Variants in RBFOX1 observed in about 807,000 individuals in gnomAD.
The protein encoded by RBFOX1 is RNA binding fox-1 homolog 1.
RBFOX1 carries 8 observed loss-of-function variants against 57.7 expected under a neutral mutation model. That is an observed-to-expected ratio of 0.14 (90% CI 0.08 to 0.25). The LOEUF (loss-of-function observed/expected upper bound fraction) is 0.25. RBFOX1 is among the 10% of genes least tolerant of loss of function. RBFOX1 has a pLI of 1.00. For synonymous variants in RBFOX1, 326 were observed against 222.4 expected (o/e 1.47, Z -4.15); for missense variants, 611 against 548.5 (o/e 1.11, Z -1.14).
At chr16:6,214,540 A>C (rs2097319363) in intron 1 of RBFOX1, among the ~76,000 whole-genome samples, 1 of 67,292 alleles carries the variant, frequency 1.5e-5, no homozygotes, top group Non-Finnish European at 2.8e-5. Flanking sequence ...GATGGGGAGA[A>C]GGAGACAGGG....
At position 6,337,573 on chromosome 16, in the gene RBFOX1, C is replaced by T. The variant is rs2083941981; in HGVS notation, c.-64+20516C>T. Among the ~76,000 whole-genome samples, 3 of 152,298 alleles carry T rather than the reference C, an allele frequency of 2.0e-5. No homozygotes were observed. The South Asian group carries it at 6.2e-4, about 32-fold the overall frequency. On this transcript the variant is annotated intron_variant, in intron 2 of 15. Coordinates refer to ENST00000550418, the MANE Select transcript of RBFOX1 (RefSeq NM_018723.4). ...CAATTGTACACCTGGATGCCACATT[C>T]TTACAAGCAGCCCAGTAGAGGCAGA...
chr16:7,705,867 A>G (rs966117210), intron 14 of RBFOX1, among the ~76,000 whole-genome samples: 4 of 152,150 alleles, frequency 2.6e-5, no homozygotes, highest in Non-Finnish European at 5.9e-5. Context: ...TTTCTTCCGA[A>G]ATTACTGATG....
At chr16:7,688,360 G>A (rs1250037190) in intron 14 of RBFOX1, among the ~76,000 whole-genome samples, 2 of 151,376 alleles carry the variant, frequency 1.3e-5, no homozygotes, top group African/African-American at 4.9e-5. Flanking sequence ...TTTAACAATA[G>A]CAATGTAACA....
chr16:7,243,568 G>A (rs2094160257), intron 4 of RBFOX1, among the ~76,000 whole-genome samples: 1 of 152,236 alleles, frequency 6.6e-6, no homozygotes, highest in East Asian at 1.9e-4. Flanking sequence ...TACATTTTGA[G>A]AGAGGCTGTC....
At chr16:5,932,985 A>G (rs2152251212) in intron 4 of RBFOX1, among the ~76,000 whole-genome samples, 1 of 152,368 alleles carries the variant, frequency 6.6e-6, no homozygotes, top group African/African-American at 2.4e-5. Context: ...CAATATTTTA[A>G]CAGCATGACG....
At chr16:6,320,473 A>G (rs1342943998) in intron 2 of RBFOX1, among the ~76,000 whole-genome samples, 2 of 152,100 alleles carry the variant, frequency 1.3e-5, no homozygotes, top group Non-Finnish European at 2.9e-5. Flanking sequence ...AACCACCTGT[A>G]CCCCTAAAAG....
chr16:6,159,221 C>T (rs372208161), intron 1 of RBFOX1, among the ~76,000 whole-genome samples: 6 of 152,206 alleles, frequency 3.9e-5, no homozygotes, highest in East Asian at 3.9e-4. Context: ...GGTCTATAGA[C>T]GCACACCACC....
intron 3 of RBFOX1, among the ~76,000 whole-genome samples, chr16:5,683,803 A>T (rs1347368457): frequency 6.7e-6 from 1 of 148,218 alleles, no homozygotes; most frequent in Non-Finnish European, 1.5e-5. Flanking sequence ...TGTTTTATAT[A>T]TTATATACAA....
At chr16:5,352,190 C>T (rs866165565) in intron 1 of RBFOX1, among the ~76,000 whole-genome samples, 23 of 152,160 alleles carry the variant, frequency 1.5e-4, no homozygotes, top group African/African-American at 4.8e-4. Flanking sequence ...TGCTGCTTCC[C>T]TCTCATGTGC....
chr16:7,065,055 T>A (rs936966676), intron 4 of RBFOX1, among the ~76,000 whole-genome samples: 1 of 152,198 alleles, frequency 6.6e-6, no homozygotes, highest in African/African-American at 2.4e-5. Flanking sequence ...AAGGAACAGA[T>A]GAGTATGTGA....
At chr16:5,764,651 A>C (rs1245091003) in intron 3 of RBFOX1, among the ~76,000 whole-genome samples, 7 of 152,128 alleles carry the variant, frequency 4.6e-5, no homozygotes, top group African/African-American at 1.7e-4. Context: ...AGAAAGAGGC[A>C]ATTATCAGTA....
intron 2 of RBFOX1, among the ~76,000 whole-genome samples, chr16:5,510,683 T>C (rs1279237059): frequency 6.6e-6 from 1 of 152,182 alleles, no homozygotes. Flanking sequence ...TGTGAGCTAC[T>C]GCATTTAAAG....
intron 3 of RBFOX1, among the ~76,000 whole-genome samples, chr16:6,741,834 G>C (rs1169630247): frequency 6.6e-6 from 1 of 152,140 alleles, no homozygotes; most frequent in African/African-American, 2.4e-5. Flanking sequence ...GAAACTGGAA[G>C]GGTAAAGGGT....
At chr16:5,331,290 T>C (rs1001420187) in intron 1 of RBFOX1, among the ~76,000 whole-genome samples, 28 of 152,236 alleles carry the variant, frequency 1.8e-4, no homozygotes, top group African/African-American at 5.1e-4. Flanking sequence ...TGCTTTGGGC[T>C]TCGTATCAGT....
At chr16:7,335,716 C>T (rs1383177649) in intron 4 of RBFOX1, among the ~76,000 whole-genome samples, 1 of 151,882 alleles carries the variant, frequency 6.6e-6, no homozygotes, top group Non-Finnish European at 1.5e-5. Context: ...AGGAAAGTTA[C>T]TCATACAGGA....
chr16:7,458,867 T>C (rs1379558995), intron 4 of RBFOX1, among the ~76,000 whole-genome samples: 1 of 152,266 alleles, frequency 6.6e-6, no homozygotes, highest in Non-Finnish European at 1.5e-5. Context: ...ATGTATTTTA[T>C]GTTTCATTTG....
intron 14 of RBFOX1, among the ~76,000 whole-genome samples, chr16:7,695,723 C>G (rs919074066): frequency 2.7e-5 from 4 of 150,756 alleles, no homozygotes; most frequent in African/African-American, 4.9e-5. Flanking sequence ...GTAATGAGCT[C>G]TCACCTCCTT....
At chr16:6,073,971 C>G (rs2095865770) in intron 1 of RBFOX1, among the ~76,000 whole-genome samples, 1 of 152,046 alleles carries the variant, frequency 6.6e-6, no homozygotes, top group Non-Finnish European at 1.5e-5. Context: ...TTTTCTGAGA[C>G]AGAGTCTCAC....
At chr16:6,668,110 G>A (rs1056905636) in intron 3 of RBFOX1, among the ~76,000 whole-genome samples, 1 of 152,188 alleles carries the variant, frequency 6.6e-6, no homozygotes, top group Admixed American at 6.5e-5. Flanking sequence ...TGTGTATCCT[G>A]TAGCTACTTC....
Sources: gnomAD v4.1 joint callset for allele counts (sites outside exome capture counted in the v4.1 genomes callset) on GRCh38, gnomAD v4.1.1 for gene constraint, MANE v1.5 for transcripts, NCBI Gene and HGNC (gene_info 2026-07-23, HGNC 2026-07-21) for gene names.